Variants in LONRF2 observed in about 807,000 individuals in gnomAD.
LONRF2 encodes LON peptidase N-terminal domain and ring finger 2, also known as LON peptidase N-terminal domain and RING finger protein 2.
Under a neutral mutation model 66.6 loss-of-function variants are expected in LONRF2, and 35 were observed. That is an observed-to-expected ratio of 0.53 (90% confidence interval 0.40 to 0.70). The LOEUF (loss-of-function observed/expected upper bound fraction) is 0.70. Ranked by LOEUF, LONRF2 falls within the 30% of genes least tolerant of loss-of-function variation. The probability of loss-of-function intolerance (pLI) is 0.00; values close to 1 mark genes in which losing one functional copy is unlikely to be tolerated. For synonymous variants in LONRF2, 417 were observed against 418.1 expected (o/e 1.00, Z 0.03); for missense variants, 902 against 1,002.1 (o/e 0.90, Z 1.35).
In LONRF2 at chr2:100,273,121, T is replaced by C. The variant is rs749826959; in HGVS notation, c.*11177A>G. Among the ~76,000 whole-genome samples, 5 of 152,198 alleles carry C rather than the reference T, an allele frequency of 3.3e-5. No individual in the cohort carries two copies. In the East Asian group the frequency reaches 9.6e-4, roughly 29 times the overall value. On this transcript the variant is annotated 3_prime_UTR_variant, in exon 12 of 12. Transcript: ENST00000393437. Reference sequence around the variant, plus strand: ...CAGACACACAGAGGGAAGAAGGCCATGTGACGATGGACACGGAAACTGGAG... The same window carrying C: ...CAGACACACAGAGGGAAGAAGGCCACGTGACGATGGACACGGAAACTGGAG...
At position 100,299,255 on chromosome 2, in the gene LONRF2, T is replaced by C; in HGVS notation, c.1332A>G (p.Val444=). The C allele has an allele frequency of 3.1e-6, 5 of 1,594,124 alleles. No homozygotes were observed. The highest frequency in any genetic ancestry group is 4.3e-6 in the Non-Finnish European group (5 of 1,168,092). Residue 444 remains valine, a synonymous_variant, in exon 6 of 12, where the codon GTA becomes GTG. Coordinates refer to ENST00000393437, the MANE Select transcript of LONRF2 (RefSeq NM_198461.4). ...TEESQGLSLD[V]TDFECALCMR... is the part of the protein sequence containing the mutation. ...TGCAGAGGGCACACTCAAAGTCAGT[T>C]ACATCAAGCGAGAGCCCCTGACTTT...
Position 100,281,198 on chromosome 2 carries a change from C to T in LONRF2, c.*3100G>A, listed in dbSNP as rs1427104424. ...TACCATCCATAAACTTCAACTGTTC[C>T]TTGATGATTCAAATGTCCTGTGGTA... On this transcript the variant is annotated 3_prime_UTR_variant, in exon 12 of 12. Coordinates refer to ENST00000393437, the MANE Select transcript of LONRF2 (RefSeq NM_198461.4). The T allele has an allele frequency of 6.6e-6, 1 of 152,120 alleles. No homozygotes were observed. The allele number at this position is 152,120 out of a possible 1,614,324, so 9.4% of individuals were successfully genotyped here.
chr2:100,312,122 G>T (rs982611390), intron 1 of LONRF2, among the ~76,000 whole-genome samples: 1 of 152,120 alleles, frequency 6.6e-6, no homozygotes, highest in African/African-American at 2.4e-5. Flanking sequence ...ACTGAAAGCT[G>T]TAAGGACTTT....
chr2:100,313,280 A>C (rs1675443914), intron 1 of LONRF2, among the ~76,000 whole-genome samples: 2 of 152,208 alleles, frequency 1.3e-5, no homozygotes, highest in Admixed American at 1.3e-4. Flanking sequence ...GGATCACTTG[A>C]GGTCAGAAGT....
intron 1 of LONRF2, among the ~76,000 whole-genome samples, chr2:100,320,396 C>T (rs934849869): frequency 2.0e-4 from 31 of 152,020 alleles, no homozygotes; most frequent in Non-Finnish European, 1.0e-4. Flanking sequence ...CAGAGAATAT[C>T]CCAATTTAGA....
chr2:100,289,332 A>C (rs1418673031), intron 10 of LONRF2, among the ~76,000 whole-genome samples: 1 of 152,192 alleles, frequency 6.6e-6, no homozygotes, highest in Admixed American at 6.5e-5. Context: ...GGCCCTTTAC[A>C]GAAAAAGTTT....
chr2:100,299,583 A>G, intron 5 of LONRF2, 134 bp downstream of exon 5: 2 of 716,914 alleles, frequency 2.8e-6, no homozygotes, highest in Admixed American at 3.1e-5. Context: ...AAAATGCTCT[A>G]TAATCTTAGA....
Position 100,321,730 on chromosome 2 carries a change from G to T in LONRF2, c.364C>A (p.Pro122Thr). The change falls in exon 1 of 12, where the codon CCC becomes ACC. Residue 122 changes from proline to threonine, a missense_variant. By Grantham distance (38) the Pro-to-Thr change is conservative (BLOSUM62 -1). Coordinates refer to ENST00000393437, the MANE Select transcript of LONRF2 (RefSeq NM_198461.4). ...PLSAENPGGEPEAPGEGGPAP... is the reference protein window; with the variant it reads ...PLSAENPGGETEAPGEGGPAP... ...GGCCCTCCCTCGCCGGGCGCCTCGG[G>T]CTCGCCGCCCGGGTTCTCCGCGGAC... 8.9e-7 allele frequency: 1 copy of T among 1,123,606 alleles called. No homozygotes were observed. Among genetic ancestry groups the T allele is most frequent in the Non-Finnish European group, 1.1e-6 (1 of 921,376 alleles). 69.6% of individuals were successfully genotyped at this position (1,123,606 alleles called of 1,614,324 possible).
rs1009908737 is a variant in LONRF2 at position 100,278,049 on chromosome 2, G to T, written c.*6249C>A. On this transcript the variant is annotated 3_prime_UTR_variant, in exon 12 of 12. Transcript: ENST00000393437. ...CGCTACAACTTCCACAGCCCTGATA[G>T]GTTCCACACAATCGGTTTCACGAAG... 1.3e-5 allele frequency: 2 copies of T among 152,112 alleles called. No individual in the cohort carries two copies. Among genetic ancestry groups the T allele is most frequent in the African/African-American group, 4.8e-5 (2 of 41,420 alleles). The allele number at this position is 152,112 out of a possible 1,614,324, so 9.4% of individuals were successfully genotyped here.
At chr2:100,321,033 C>T (rs927415731) in intron 1 of LONRF2, among the ~76,000 whole-genome samples, 1 of 152,178 alleles carries the variant, frequency 6.6e-6, no homozygotes, top group Non-Finnish European at 1.5e-5. Context: ...GCACAAGGCA[C>T]CCCTTTCTGC....
Position 100,284,546 on chromosome 2 carries a change from C to T in LONRF2, c.2071-54G>A, listed in dbSNP as rs541482584. The T allele has an allele frequency of 1.1e-4, 160 of 1,395,024 alleles. No individual in the cohort carries two copies. In the African/African-American group the frequency reaches 2.0e-3, roughly 18 times the overall value. 86.4% of individuals were successfully genotyped at this position (1,395,024 alleles called of 1,614,324 possible). ...TTAACACTGGAAATGCAAGCCTGTT[C>T]CCCAACACAGTCTTTTGCTCCACCA... On this transcript the variant is annotated intron_variant, in intron 11 of 11. Coordinates refer to ENST00000393437, the MANE Select transcript of LONRF2 (RefSeq NM_198461.4).
intron 7 of LONRF2, among the ~76,000 whole-genome samples, chr2:100,295,795 T>C (rs1002270824): frequency 3.9e-5 from 6 of 152,138 alleles, no homozygotes; most frequent in Admixed American, 2.0e-4. Context: ...CTTGACAGCA[T>C]CTACATTTTC....
intron 11 of LONRF2, 92 bp downstream of exon 11, chr2:100,286,822 A>G (rs1674855436): frequency 7.0e-7 from 1 of 1,435,122 alleles, no homozygotes; most frequent in African/African-American, 1.4e-5. Flanking sequence ...TGGGGTAACC[A>G]GCATCATACT....
chr2:100,303,892 T>C (rs1675235106), intron 2 of LONRF2, among the ~76,000 whole-genome samples: 1 of 152,202 alleles, frequency 6.6e-6, no homozygotes, highest in African/African-American at 2.4e-5. Flanking sequence ...TTTCTTCTTT[T>C]TTTTTCTTGC....
intron 9 of LONRF2, among the ~76,000 whole-genome samples, chr2:100,291,560 C>T (rs1249547966): frequency 6.6e-6 from 1 of 152,084 alleles, no homozygotes; most frequent in East Asian, 1.9e-4. Flanking sequence ...CCTCCATATC[C>T]TACCGTTCCA....
chr2:100,302,027 A>T (rs1675195019), intron 3 of LONRF2, among the ~76,000 whole-genome samples: 1 of 152,212 alleles, frequency 6.6e-6, no homozygotes, highest in South Asian at 2.1e-4. Flanking sequence ...ATTGCTCTGA[A>T]GTTCTTACTT....
chr2:100,320,694 A>G (rs978408096), intron 1 of LONRF2, among the ~76,000 whole-genome samples: 27 of 152,224 alleles, frequency 1.8e-4, no homozygotes, highest in African/African-American at 6.3e-4. Flanking sequence ...AATAGAGCGC[A>G]TACTCATATG....
rs1244091438 is a variant in LONRF2, at chr2:100,272,578, GAAAGGTATCAT to G, written c.*11709_*11719del. Among the ~76,000 whole-genome samples, 1 of 151,984 alleles carries G rather than the reference GAAAGGTATCAT, an allele frequency of 6.6e-6. No individual in the cohort carries two copies. The highest frequency in any genetic ancestry group is 1.9e-4 in the East Asian group (1 of 5,194). On this transcript the variant is annotated 3_prime_UTR_variant, in exon 12 of 12. Transcript: ENST00000393437. ...TTAAAAAAAAGAAAAAAAAAGATGGGAAAGGTATCATAAAGGTGCCAGGAAGTTAATAAAAA... is the reference window on the plus strand; with the variant it reads ...TTAAAAAAAAGAAAAAAAAAGATGGGAAAGGTGCCAGGAAGTTAATAAAAA...
Position 100,281,556 on chromosome 2 carries a change from T to C in LONRF2, c.*2742A>G, listed in dbSNP as rs1573106233. On this transcript the variant is annotated 3_prime_UTR_variant, in exon 12 of 12. Transcript: ENST00000393437. Reference sequence around the variant, plus strand: ...GGCTTTCAGAAAGCTGCCTTTGGGATCTTACTTGCATTTCAAAGACACAGG... The same window carrying C: ...GGCTTTCAGAAAGCTGCCTTTGGGACCTTACTTGCATTTCAAAGACACAGG... 5 of 152,272 alleles carry C rather than the reference T, an allele frequency of 3.3e-5. No individual in the cohort carries two copies. Among genetic ancestry groups the C allele is most frequent in the African/African-American group, 7.2e-5 (3 of 41,554 alleles). 9.4% of individuals were successfully genotyped at this position (152,272 alleles called of 1,614,324 possible).
Sources: allele counts gnomAD v4.1 joint callset (sites outside exome capture counted in the v4.1 genomes callset), GRCh38; gene constraint gnomAD v4.1.1; transcripts MANE v1.5; gene names NCBI Gene and HGNC (gene_info 2026-07-23, HGNC 2026-07-21).